Variants in NBDY observed in about 807,000 individuals in gnomAD.
NBDY encodes P-body dissociating protein.
At chrX:56,809,326 C>T (rs1039889513) in intron 2 of NBDY, among the ~76,000 whole-genome samples, 5 of 111,451 alleles carry the variant, frequency 4.5e-5, no homozygotes, top group Admixed American at 9.5e-5. Flanking sequence ...TTTTCTTTCT[C>T]GTTGATCTAT....
chrX:56,751,480 A>G (rs1469042902), intron 2 of NBDY, among the ~76,000 whole-genome samples: 1 of 112,366 alleles, frequency 8.9e-6, no homozygotes. Context: ...TACAATGCAC[A>G]ACAGAAGTTA....
intron 2 of NBDY, among the ~76,000 whole-genome samples, chrX:56,800,484 T>C (rs938198649): frequency 3.6e-5 from 4 of 111,465 alleles, no homozygotes; most frequent in African/African-American, 9.8e-5. Flanking sequence ...CGCAGTCTCT[T>C]GGCTCCACTG....
At chrX:56,765,066 C>G (rs1015989130) in intron 2 of NBDY, among the ~76,000 whole-genome samples, 1 of 112,196 alleles carries the variant, frequency 8.9e-6, no homozygotes, top group Non-Finnish European at 1.9e-5. Context: ...CTTTTTTCTT[C>G]TTCATTCTCT....
At chrX:56,786,651 C>T (rs1250901949) in intron 2 of NBDY, among the ~76,000 whole-genome samples, 1 of 109,444 alleles carries the variant, frequency 9.1e-6, no homozygotes, top group Admixed American at 9.8e-5. Context: ...TCTTTTTCTT[C>T]TTCTTCTTCT....
intron 2 of NBDY, among the ~76,000 whole-genome samples, chrX:56,814,196 ATATCT>A (rs1387674596): frequency 1.8e-5 from 2 of 110,207 alleles, no homozygotes; most frequent in African/African-American, 3.3e-5. Context: ...ATTCATAGTG[ATATCT>A]TATCTTCTTT....
intron 2 of NBDY, among the ~76,000 whole-genome samples, chrX:56,782,737 T>C (rs376975477): frequency 2.2e-3 from 247 of 111,820 alleles, no homozygotes; most frequent in Non-Finnish European, 3.3e-3. Flanking sequence ...AGTCCAGCCA[T>C]GTGAACACAT....
At chrX:56,762,656 G>A (rs1027710182) in intron 2 of NBDY, among the ~76,000 whole-genome samples, 2 of 110,703 alleles carry the variant, frequency 1.8e-5, no homozygotes, top group African/African-American at 6.6e-5. Context: ...TGGCCAGTAG[G>A]AGCCTCAGCA....
At chrX:56,752,670 C>T (rs957313867) in intron 2 of NBDY, among the ~76,000 whole-genome samples, 19 of 111,029 alleles carry the variant, frequency 1.7e-4, no homozygotes, top group African/African-American at 5.2e-4. Flanking sequence ...AGTGCAGTGG[C>T]AAGATCTCAG....
At chrX:56,742,019 G>A (rs888132895) in intron 2 of NBDY, among the ~76,000 whole-genome samples, 1 of 111,850 alleles carries the variant, frequency 8.9e-6, no homozygotes, top group South Asian at 3.7e-4. Flanking sequence ...TATGGCAAAA[G>A]ATAGCTATCT....
At chrX:56,759,242 T>A (rs1320879402) in intron 2 of NBDY, among the ~76,000 whole-genome samples, 2 of 112,022 alleles carry the variant, frequency 1.8e-5, no homozygotes, top group Non-Finnish European at 3.8e-5. Flanking sequence ...TGGCTCCCAC[T>A]TTCTCCTGGA....
At chrX:56,744,426 A>T (rs1602651032) in intron 2 of NBDY, among the ~76,000 whole-genome samples, 2 of 111,604 alleles carry the variant, frequency 1.8e-5, no homozygotes, top group African/African-American at 6.5e-5. Context: ...CCTTGCTGTT[A>T]ACATAGCTAC....
intron 2 of NBDY, among the ~76,000 whole-genome samples, chrX:56,792,725 G>T (rs2146733753): frequency 9.0e-6 from 1 of 111,614 alleles, no homozygotes; most frequent in Admixed American, 9.5e-5. Flanking sequence ...TTCCACACTG[G>T]TTCTAAATGT....
chrX:56,802,006 ACACACACAC>A (rs2069825442), intron 2 of NBDY, among the ~76,000 whole-genome samples: 2 of 109,033 alleles, frequency 1.8e-5, no homozygotes, highest in African/African-American at 6.6e-5. Flanking sequence ...ACACACACAC[ACACACACAC>A]AAATCCTCAC....
chrX:56,741,915 T>A lies in NBDY; in HGVS notation c.*166+9716T>A, dbSNP rs1369278318. Reference sequence around the variant, plus strand: ...ATTAAGAAATTTTTGCCCAGATCAATGTCCTGGAGATTTTTCCCATATTTT... The same window carrying A: ...ATTAAGAAATTTTTGCCCAGATCAAAGTCCTGGAGATTTTTCCCATATTTT... On this transcript the variant is annotated intron_variant, in intron 2 of 2. Transcript: ENST00000374922. Among the ~76,000 whole-genome samples, 4 of 111,771 alleles carry A rather than the reference T, an allele frequency of 3.6e-5. No individual in the cohort carries two copies. In the Admixed American group the frequency reaches 3.8e-4, roughly 11 times the overall value.
intron 2 of NBDY, among the ~76,000 whole-genome samples, chrX:56,746,275 T>C (rs2069557689): frequency 1.8e-5 from 2 of 110,661 alleles, no homozygotes; most frequent in South Asian, 3.9e-4. Flanking sequence ...CTCCCTCTCA[T>C]TGTATAAAGA....
chrX:56,814,422 C>A (rs2069901513), intron 2 of NBDY, among the ~76,000 whole-genome samples: 1 of 108,950 alleles, frequency 9.2e-6, no homozygotes, highest in Non-Finnish European at 1.9e-5. Context: ...TTAAGAAGAT[C>A]ATTTCTCTTT....
chrX:56,766,742 A>C (rs186082698), intron 2 of NBDY, among the ~76,000 whole-genome samples: 30 of 112,024 alleles, frequency 2.7e-4, no homozygotes, highest in African/African-American at 9.1e-4. Context: ...AGCAGCAGGC[A>C]TGAAACTGGA....
chrX:56,784,169 G>A (rs1257720901), intron 2 of NBDY, among the ~76,000 whole-genome samples: 1 of 112,457 alleles, frequency 8.9e-6, no homozygotes, highest in Non-Finnish European at 1.9e-5. Flanking sequence ...CTCCCCCTAG[G>A]CAAGAGACCA....
At chrX:56,792,647 G>A (rs1212795057) in intron 2 of NBDY, among the ~76,000 whole-genome samples, 1 of 111,249 alleles carries the variant, frequency 9.0e-6, no homozygotes, top group Non-Finnish European at 1.9e-5. Context: ...GCAAAGGGGT[G>A]TGAGCTCAAG....
Sources: gnomAD v4.1 joint callset for allele counts (sites outside exome capture counted in the v4.1 genomes callset) on GRCh38, gnomAD v4.1.1 for gene constraint, MANE v1.5 for transcripts, NCBI Gene and HGNC (gene_info 2026-07-23, HGNC 2026-07-21) for gene names.